The following PTPRK variants were observed in gnomAD, a reference collection of about 807,000 sequenced individuals.
PTPRK encodes receptor-type tyrosine-protein phosphatase kappa.
A neutral mutation model predicts 178.0 loss-of-function variants in PTPRK; 75 were observed. The ratio of observed to expected loss-of-function variants is 0.42; its 90% CI spans 0.35 to 0.51. The LOEUF (loss-of-function observed/expected upper bound fraction) is 0.51, where lower values mean the gene tolerates loss of function less well. PTPRK is among the 20% of genes least tolerant of loss of function. PTPRK has a pLI of 0.02. For missense variants in PTPRK, 1,441 were observed against 1,797.8 expected (o/e 0.80, Z 3.59); for synonymous variants, 637 against 620.6 (o/e 1.03, Z -0.39).
At chr6:128,400,902 G>A (rs2128371446) in intron 1 of PTPRK, among the ~76,000 whole-genome samples, 1 of 152,272 alleles carries the variant, frequency 6.6e-6, no homozygotes, top group East Asian at 1.9e-4. Context: ...ACAGAAAGAG[G>A]TAATACCAAA....
chr6:128,128,826 A>C (rs967027984), intron 7 of PTPRK, among the ~76,000 whole-genome samples: 3 of 152,216 alleles, frequency 2.0e-5, no homozygotes, highest in Non-Finnish European at 2.9e-5. Flanking sequence ...ACTTGATAGG[A>C]AGGATACTTT....
intron 6 of PTPRK, among the ~76,000 whole-genome samples, chr6:128,190,490 CTT>C (rs34873441): frequency 8.3e-5 from 8 of 96,126 alleles, no homozygotes; most frequent in African/African-American, 1.6e-4. Context: ...TGATAGATAC[CTT>C]TTTTTTTTTT....
intron 13 of PTPRK, among the ~76,000 whole-genome samples, chr6:128,012,254 A>G (rs1394608605): frequency 6.6e-6 from 1 of 150,856 alleles, no homozygotes; most frequent in Non-Finnish European, 1.5e-5. Flanking sequence ...GGATATTTTA[A>G]TCACATGTAT....
intron 7 of PTPRK, among the ~76,000 whole-genome samples, chr6:128,120,374 G>A (rs1792263277): frequency 6.6e-6 from 1 of 151,896 alleles, no homozygotes; most frequent in South Asian, 2.1e-4. Flanking sequence ...AATCTAAAAC[G>A]AGAGTATCAT....
intron 1 of PTPRK, among the ~76,000 whole-genome samples, chr6:128,492,720 C>G (rs1459092806): frequency 6.6e-6 from 1 of 152,198 alleles, no homozygotes; most frequent in Middle Eastern, 3.2e-3. Context: ...ATATAACCCA[C>G]TCTTCAAGTT....
Position 128,000,434 on chromosome 6 carries a change from C to T in PTPRK, c.2495-1530G>A, listed in dbSNP as rs151165202. On this transcript the variant is annotated intron_variant, in intron 15 of 29. Coordinates refer to ENST00000368226, the MANE Select transcript of PTPRK (RefSeq NM_002844.4). Reference sequence around the variant, plus strand: ...ACTCCCTCTTATTAAGCTGAATGCTCTTTTTGTAGCATTCATTCCTAAAAA... The same window carrying T: ...ACTCCCTCTTATTAAGCTGAATGCTTTTTTTGTAGCATTCATTCCTAAAAA... 8.8e-5 allele frequency: 60 copies of T among 679,104 alleles called. No homozygotes were observed. The East Asian group carries it at 4.5e-3, about 51-fold the overall frequency. 42.1% of individuals were successfully genotyped at this position (679,104 alleles called of 1,614,324 possible).
At chr6:127,970,307 G>A (rs1773759953) in intron 29 of PTPRK, 27 bp from the exon 30 acceptor site, 1 of 1,592,420 alleles carries the variant, frequency 6.3e-7, no homozygotes. Flanking sequence ...CACAAAGAGT[G>A]AGAAAACTTA....
chr6:128,186,820 C>T lies in PTPRK; in HGVS notation c.869-2095G>A, dbSNP rs182823636. Among the ~76,000 whole-genome samples, 153 of 152,094 alleles carry T rather than the reference C, an allele frequency of 1.0e-3. 1 individual carries two copies. The highest frequency in any genetic ancestry group is 3.2e-3 in the African/African-American group (132 of 41,534). On this transcript the variant is annotated intron_variant, in intron 6 of 29. Coordinates refer to ENST00000368226, the MANE Select transcript of PTPRK (RefSeq NM_002844.4). ...ACCCTAAACTAAAATGAAACTGAAT[C>T]GAGAAGTGAACATAATAGAAAAAAT...
At chr6:128,445,686 G>C (rs948932631) in intron 1 of PTPRK, among the ~76,000 whole-genome samples, 2 of 151,970 alleles carry the variant, frequency 1.3e-5, no homozygotes, top group Non-Finnish European at 2.9e-5. Flanking sequence ...TAAATGTTTT[G>C]AGTTTTCTTG....
intron 6 of PTPRK, 29 bp from the exon 7 acceptor site, chr6:128,184,754 A>C: frequency 6.3e-7 from 1 of 1,591,386 alleles, no homozygotes; most frequent in Non-Finnish European, 8.6e-7. Context: ...CACTTCAATT[A>C]GTAAGATTTA....
intron 6 of PTPRK, among the ~76,000 whole-genome samples, chr6:128,213,038 T>G (rs1175631598): frequency 5.9e-5 from 9 of 152,058 alleles, no homozygotes; most frequent in Non-Finnish European, 1.2e-4. Flanking sequence ...TTAAAAGCCA[T>G]AATTTTTCTA....
chr6:128,209,917 G>A (rs1299890829), intron 6 of PTPRK, among the ~76,000 whole-genome samples: 1 of 152,154 alleles, frequency 6.6e-6, no homozygotes, highest in African/African-American at 2.4e-5. Context: ...GGAGCAAGCA[G>A]GGCCTTGGAG....
At chr6:128,143,163 AC>A in intron 7 of PTPRK, among the ~76,000 whole-genome samples, 2 of 152,186 alleles carry the variant, frequency 1.3e-5, no homozygotes, top group East Asian at 3.9e-4. Context: ...GCTAAAGGCA[AC>A]AGCAAAAGAT....
chr6:128,010,793 T>C (rs1469621844), intron 13 of PTPRK, among the ~76,000 whole-genome samples: 1 of 151,158 alleles, frequency 6.6e-6, no homozygotes, highest in Non-Finnish European at 1.5e-5. Flanking sequence ...ATAGACTAGA[T>C]TCACTAACTA....
chr6:128,219,042 T>C lies in PTPRK; in HGVS notation c.748A>G (p.Arg250Gly). ...TGCAATCTGAAGGAAGCGGCAAACCTTCTATGATTGATGTTCTTAGTCTGG... is the reference window on the plus strand; with the variant it reads ...TGCAATCTGAAGGAAGCGGCAAACCCTCTATGATTGATGTTCTTAGTCTGG... ...VAQTKNINHR[R>G]FAASFRLQEV... Residue 250 changes from arginine to glycine, a missense_variant, in exon 6 of 30, where the codon AGG (arginine) becomes GGG (glycine). By Grantham distance (125) the Arg-to-Gly change is moderately radical. Transcript: ENST00000368226. The C allele has an allele frequency of 6.2e-7, 1 of 1,614,018 alleles. No homozygotes were observed. The highest frequency in any genetic ancestry group is 8.5e-7 in the Non-Finnish European group (1 of 1,179,878).
rs1164981830 is a variant in PTPRK at position 128,080,780 on chromosome 6, T to C, written c.1777+1657A>G. Among the ~76,000 whole-genome samples the C allele has an allele frequency of 7.2e-5, 11 of 152,178 alleles. No homozygotes were observed. The East Asian group carries it at 1.9e-3, about 27-fold the overall frequency. On this transcript the variant is annotated intron_variant, in intron 10 of 29. Coordinates refer to ENST00000368226, the MANE Select transcript of PTPRK (RefSeq NM_002844.4). ...TAAATTATCTGAAAAGTTCAAGTAA[T>C]GATGAGAACCACACTAACCATAAAT...
chr6:128,017,455 T>A (rs747900046), intron 13 of PTPRK, among the ~76,000 whole-genome samples: 10 of 151,726 alleles, frequency 6.6e-5, no homozygotes, highest in Non-Finnish European at 1.5e-4. Flanking sequence ...GTGGGAACCC[T>A]GCAGGCCTAA....
Position 128,270,618 on chromosome 6 carries a change from A to G in PTPRK, c.496-28016T>C, listed in dbSNP as rs149235986. Among the ~76,000 whole-genome samples the G allele has an allele frequency of 2.0e-5, 3 of 152,292 alleles. No homozygotes were observed. In the East Asian group the frequency reaches 5.8e-4, roughly 29 times the overall value. ...ATATTCAATTCCAAGCATTTTCCATATACAATACAGATACTAGCAATGTCA... is the reference window on the plus strand; with the variant it reads ...ATATTCAATTCCAAGCATTTTCCATGTACAATACAGATACTAGCAATGTCA... On this transcript the variant is annotated intron_variant, in intron 3 of 29. Transcript: ENST00000368226.
At chr6:128,358,732 C>A (rs1476073421) in intron 2 of PTPRK, among the ~76,000 whole-genome samples, 2 of 152,278 alleles carry the variant, frequency 1.3e-5, no homozygotes, top group South Asian at 2.1e-4. Context: ...GCAAATAGAA[C>A]CCTTGCTCGG....
Sources: gnomAD v4.1 joint callset for allele counts (sites outside exome capture counted in the v4.1 genomes callset) on GRCh38, gnomAD v4.1.1 for gene constraint, MANE v1.5 for transcripts, NCBI Gene and HGNC (gene_info 2026-07-23, HGNC 2026-07-21) for gene names.